TNKS: variants seen among roughly 807,000 people sequenced by gnomAD.
The protein encoded by TNKS is tankyrase.
Under a neutral mutation model 135.8 loss-of-function variants are expected in TNKS, and 72 were observed. The ratio of observed to expected loss-of-function variants is 0.53; its 90% CI spans 0.44 to 0.64. The LOEUF is 0.64. Ranked by LOEUF, TNKS falls within the 30% of genes least tolerant of loss-of-function variation. The pLI, the probability that TNKS is intolerant of heterozygous loss-of-function variation, is 0.00. For missense variants in TNKS, 1,769 were observed against 1,674.0 expected (o/e 1.06, Z -0.99); for synonymous variants, 849 against 649.3 (o/e 1.31, Z -4.68).
chr8:9,700,628 G>A (rs1228949893), intron 5 of TNKS, among the ~76,000 whole-genome samples: 2 of 145,100 alleles, frequency 1.4e-5, no homozygotes, highest in African/African-American at 2.6e-5. Context: ...TTTTTCTGTT[G>A]TTCTTCTGTC....
intron 2 of TNKS, among the ~76,000 whole-genome samples, chr8:9,592,509 C>G (rs1399952541): frequency 2.6e-5 from 4 of 152,164 alleles, no homozygotes; most frequent in Admixed American, 2.6e-4. Context: ...GAGTAGTTCT[C>G]TGTGCACTGA....
intron 3 of TNKS, among the ~76,000 whole-genome samples, chr8:9,627,253 C>G (rs1215273571): frequency 6.6e-6 from 1 of 152,144 alleles, no homozygotes; most frequent in Non-Finnish European, 1.5e-5. Flanking sequence ...TATCTGTATT[C>G]TTTATAAATG....
chr8:9,745,082 A>T (rs1176418807), intron 17 of TNKS, among the ~76,000 whole-genome samples: 1 of 151,886 alleles, frequency 6.6e-6, no homozygotes, highest in Non-Finnish European at 1.5e-5. Context: ...CAGTTTAAGT[A>T]GCTTGTAACC....
intron 2 of TNKS, among the ~76,000 whole-genome samples, chr8:9,601,726 C>T (rs1799023547): frequency 6.6e-6 from 1 of 152,044 alleles, no homozygotes; most frequent in Non-Finnish European, 1.5e-5. Context: ...TTGATAAAGT[C>T]AGTACTCAAA....
chr8:9,706,591 T>A (rs1313015587), intron 7 of TNKS, among the ~76,000 whole-genome samples: 1 of 152,186 alleles, frequency 6.6e-6, no homozygotes, highest in Non-Finnish European at 1.5e-5. Context: ...TTTTTAGATT[T>A]TAAGAGAATA....
rs763675424 is a variant in TNKS, at chr8:9,766,294, C to T, written c.3609C>T (p.Tyr1203=). ...AAGGGTTTGATGAGCGACATGCATA[C>T]ATAGGAGGAATGTTTGGGGCCGGGA... ...IHKGFDERHA[Y]IGGMFGAGIY... is the part of the protein sequence containing the mutation. Residue 1203 remains tyrosine (Y), a synonymous_variant, in exon 25 of 27, where the codon TAC becomes TAT. Coordinates refer to ENST00000310430, the MANE Select transcript of TNKS (RefSeq NM_003747.3). 5 of 1,613,804 alleles carry T rather than the reference C, an allele frequency of 3.1e-6. No individual in the cohort carries two copies. Among genetic ancestry groups the T allele is most frequent in the Non-Finnish European group, 4.2e-6 (5 of 1,179,936 alleles).
At chr8:9,579,365 A>G (rs1374793725) in intron 1 of TNKS, among the ~76,000 whole-genome samples, 1 of 152,182 alleles carries the variant, frequency 6.6e-6, no homozygotes, top group African/African-American at 2.4e-5. Flanking sequence ...AGCGTTCACC[A>G]TGTGTTTCTC....
chr8:9,629,873 G>A (rs1052954733), intron 3 of TNKS, among the ~76,000 whole-genome samples: 2 of 152,034 alleles, frequency 1.3e-5, no homozygotes, highest in African/African-American at 2.4e-5. Context: ...TAGTAGAGAC[G>A]GGGTTTCACC....
At chr8:9,695,708 G>C (rs1320919192) in intron 5 of TNKS, among the ~76,000 whole-genome samples, 1 of 152,178 alleles carries the variant, frequency 6.6e-6, no homozygotes, top group Admixed American at 6.5e-5. Context: ...CCAGCTGAGA[G>C]AGGATACTGT....
intron 3 of TNKS, among the ~76,000 whole-genome samples, chr8:9,618,389 A>G (rs908202325): frequency 5.3e-5 from 8 of 152,220 alleles, no homozygotes; most frequent in Admixed American, 5.2e-4. Flanking sequence ...GGTTTTGGAT[A>G]GCACACTTGG....
Position 9,766,384 on chromosome 8 carries a change from C to G in TNKS, c.3699C>G (p.Gly1233=), listed in dbSNP as rs1197592481. Residue 1233 remains glycine, a synonymous_variant, in exon 25 of 27, where the codon GGC becomes GGG. Coordinates refer to ENST00000310430, the MANE Select transcript of TNKS (RefSeq NM_003747.3). ...QYVYGIGGGT[G]CPTHKDRSCY... ...TTTATGGAATTGGAGGAGGAACAGGCTGCCCTACACACAAGGACAGGTCAT... is the reference window on the plus strand; with the variant it reads ...TTTATGGAATTGGAGGAGGAACAGGGTGCCCTACACACAAGGACAGGTCAT... 6.2e-7 allele frequency: 1 copy of G among 1,613,142 alleles called. No homozygotes were observed. Among genetic ancestry groups the G allele is most frequent in the Middle Eastern group, 1.7e-4 (1 of 6,054 alleles).
chr8:9,585,463 A>G (rs1372607961), intron 2 of TNKS, among the ~76,000 whole-genome samples: 1 of 152,218 alleles, frequency 6.6e-6, no homozygotes, highest in Non-Finnish European at 1.5e-5. Flanking sequence ...TATGAGATTG[A>G]TGAGAAAAGA....
At chr8:9,603,284 A>G (rs932822567) in intron 2 of TNKS, among the ~76,000 whole-genome samples, 1 of 152,062 alleles carries the variant, frequency 6.6e-6, no homozygotes, top group Non-Finnish European at 1.5e-5. Flanking sequence ...AGGACTCCTG[A>G]CCTGAAGTGA....
At chr8:9,611,015 C>T (rs181476615) in intron 2 of TNKS, among the ~76,000 whole-genome samples, 123 of 152,296 alleles carry the variant, frequency 8.1e-4, no homozygotes, top group African/African-American at 2.8e-3. Flanking sequence ...GAATTTGGCT[C>T]CCTGTGGCTG....
intron 3 of TNKS, among the ~76,000 whole-genome samples, chr8:9,622,092 C>T (rs983150815): frequency 2.0e-5 from 3 of 151,938 alleles, no homozygotes; most frequent in East Asian, 1.9e-4. Context: ...TTATATTAAA[C>T]GTGGTTGAAA....
At chr8:9,732,012 C>G (rs571043496) in intron 14 of TNKS, among the ~76,000 whole-genome samples, 1 of 152,250 alleles carries the variant, frequency 6.6e-6, no homozygotes. Flanking sequence ...TGGTCTCAAT[C>G]TCCTGACCTC....
At chr8:9,636,590 A>C (rs1170371856) in intron 3 of TNKS, among the ~76,000 whole-genome samples, 6 of 152,146 alleles carry the variant, frequency 3.9e-5, no homozygotes, top group African/African-American at 1.4e-4. Context: ...GCATTGTTAT[A>C]ATTGTTAACT....
intron 5 of TNKS, among the ~76,000 whole-genome samples, chr8:9,697,709 G>T (rs1168530800): frequency 6.6e-6 from 1 of 152,044 alleles, no homozygotes; most frequent in Non-Finnish European, 1.5e-5. Flanking sequence ...AATCATCAGA[G>T]AAACGCAAAT....
intron 3 of TNKS, chr8:9,670,148 A>T (rs1802208468): frequency 6.6e-6 from 1 of 152,178 alleles, no homozygotes; most frequent in Non-Finnish European, 1.5e-5. Flanking sequence ...TGAAAAGGAG[A>T]TGTATGAAAA....
Sources: allele counts gnomAD v4.1 joint callset (sites outside exome capture counted in the v4.1 genomes callset), GRCh38; gene constraint gnomAD v4.1.1; transcripts MANE v1.5; gene names NCBI Gene and HGNC (gene_info 2026-07-23, HGNC 2026-07-21).